MED13L: variants seen among roughly 807,000 people sequenced by gnomAD.
The protein encoded by MED13L is mediator of RNA polymerase II transcription subunit 13-like.
In MED13L, 7 loss-of-function variants were observed where a neutral mutation model predicts 220.9. The ratio of observed to expected loss-of-function variants is 0.03; its 90% CI spans 0.02 to 0.06. The LOEUF is 0.06. MED13L is among the 10% of genes least tolerant of loss of function. The pLI, the probability that MED13L is intolerant of heterozygous loss-of-function variation, is 1.00. For synonymous variants in MED13L, 1,011 were observed against 1,015.2 expected, an observed-to-expected ratio of 1.00 and a Z score of 0.08; for missense variants, 1,965 against 2,760.5, an observed-to-expected ratio of 0.71 and a Z score of 6.46.
intron 1 of MED13L, among the ~76,000 whole-genome samples, chr12:116,241,605 A>AG (rs761484259): frequency 8.3e-4 from 127 of 152,294 alleles, no homozygotes; most frequent in Admixed American, 1.3e-3. Context: ...CAGTACATCT[A>AG]TGCTCTCAGT....
At chr12:116,237,010 C>G (rs1870142713) in intron 2 of MED13L, 1 of 332,204 alleles carries the variant, frequency 3.0e-6, no homozygotes, top group African/African-American at 2.2e-5. Context: ...TGTAATCTCA[C>G]AATTTTGTCC....
At chr12:116,268,574 C>A (rs1476948465) in intron 1 of MED13L, among the ~76,000 whole-genome samples, 2 of 151,930 alleles carry the variant, frequency 1.3e-5, no homozygotes, top group Non-Finnish European at 2.9e-5. Flanking sequence ...TCATTTGAGG[C>A]CAGGAGTTTG....
intron 4 of MED13L, among the ~76,000 whole-genome samples, chr12:116,028,916 C>G (rs1196657179): frequency 1.3e-5 from 2 of 152,116 alleles, no homozygotes; most frequent in Non-Finnish European, 2.9e-5. Flanking sequence ...ATTACTTTCT[C>G]TCTGTGAAGG....
Position 115,991,781 on chromosome 12 carries a change from C to T in MED13L, c.3173G>A (p.Arg1058Lys). 3 of 1,613,828 alleles carry T rather than the reference C, an allele frequency of 1.9e-6. No individual in the cohort carries two copies. The highest frequency in any genetic ancestry group is 2.5e-6 in the Non-Finnish European group (3 of 1,179,948). Residue 1058 changes from arginine to lysine, a missense_variant, in exon 17 of 31, where the codon AGA becomes AAA. Transcript: ENST00000281928. The surrounding 1 kb of genome is among the most constrained non-coding windows in gnomAD (Gnocchi z 7.7). ...VPTPRTPRTP[R>K]TPRGGGTASG... is the part of the protein sequence containing the mutation. ...GGCAGTGCCCCCACCTCTGGGAGTTCTTGGGGTCCTGGGGGTTCGTGGTGT... is the reference window on the plus strand; with the variant it reads ...GGCAGTGCCCCCACCTCTGGGAGTTTTTGGGGTCCTGGGGGTTCGTGGTGT...
intron 2 of MED13L, among the ~76,000 whole-genome samples, chr12:116,166,304 G>A (rs1034819968): frequency 1.1e-4 from 17 of 152,170 alleles, no homozygotes; most frequent in Non-Finnish European, 1.5e-5. Flanking sequence ...TTGAGTCAGT[G>A]GGCTGGGGAA....
At chr12:115,978,798 AAT>A (rs1197640108) in intron 23 of MED13L, among the ~76,000 whole-genome samples, 1 of 152,248 alleles carries the variant, frequency 6.6e-6, no homozygotes, top group Non-Finnish European at 1.5e-5. Flanking sequence ...CACTAAATAA[AAT>A]ATGATTCCCA....
intron 1 of MED13L, among the ~76,000 whole-genome samples, chr12:116,269,007 T>G (rs1441628661): frequency 6.6e-6 from 1 of 152,224 alleles, no homozygotes; most frequent in East Asian, 1.9e-4. Flanking sequence ...TAGGTAAACA[T>G]GTGCCATGGT....
At chr12:116,064,328 A>C (rs1356307059) in intron 4 of MED13L, among the ~76,000 whole-genome samples, 1 of 152,240 alleles carries the variant, frequency 6.6e-6, no homozygotes, top group Non-Finnish European at 1.5e-5. Flanking sequence ...TAATTACAAG[A>C]AAAAAGTCTG....
chr12:116,002,741 T>C (rs1878824675), intron 14 of MED13L, among the ~76,000 whole-genome samples: 1 of 152,182 alleles, frequency 6.6e-6, no homozygotes, highest in South Asian at 2.1e-4. Flanking sequence ...ACCTAAAACA[T>C]GTTTTTCTAC....
Position 116,269,466 on chromosome 12 carries a change from C to CAA in MED13L, c.72+7592_72+7593dup, listed in dbSNP as rs34100053. Among the ~76,000 whole-genome samples, 492 of 68,886 alleles carry CAA rather than the reference C, an allele frequency of 7.1e-3. 6 individuals are homozygous for CAA. The highest frequency in any genetic ancestry group is 0.013 in the South Asian group (22 of 1,662). The allele number at this position is 68,886 out of a possible 152,430, so 45.2% of individuals were successfully genotyped here. ...GTTAAAGCCACAAATTTAAACTATGCAAAAAAAAAAAAAAAAAAAAAAGAC... is the reference window on the plus strand; with the variant it reads ...GTTAAAGCCACAAATTTAAACTATGCAAAAAAAAAAAAAAAAAAAAAAAAGAC... On this transcript the variant is annotated intron_variant, in intron 1 of 30. Transcript: ENST00000281928.
At chr12:115,979,824 C>T (rs917538728) in intron 23 of MED13L, among the ~76,000 whole-genome samples, 5 of 152,072 alleles carry the variant, frequency 3.3e-5, no homozygotes, top group African/African-American at 1.2e-4. Flanking sequence ...CTTTTTATAC[C>T]TATCTTCAAG....
In MED13L at chr12:116,015,277, GA is replaced by G; in HGVS notation, c.1010-4del. ...ACTCTGCATACCTCCACTCTCACCT[GA>G]AAAAAAAGGCAATTTGGAATGTTAG... On this transcript the variant is annotated splice_polypyrimidine_tract_variant and splice_region_variant and intron_variant, in intron 7 of 30. Transcript: ENST00000281928. The G allele has an allele frequency of 1.2e-6, 2 of 1,612,608 alleles. No individual in the cohort carries two copies. The highest frequency in any genetic ancestry group is 8.5e-7 in the Non-Finnish European group (1 of 1,179,154).
At position 115,983,170 on chromosome 12, in the gene MED13L, T is replaced by C; in HGVS notation, c.4902A>G (p.Gly1634=). The change falls in exon 21 of 31, where the codon GGA becomes GGG. Residue 1634 remains glycine, a synonymous_variant. Coordinates refer to ENST00000281928, the MANE Select transcript of MED13L (RefSeq NM_015335.5). ...AAGAGCTCTGCCCAGGGTCAGTGTC[T>C]CCACCACAGCCTATGTTCCCTTGCG... ...DRTQGNIGCG[G]DTDPGQSSSQ... 1 of 1,614,120 alleles carries C rather than the reference T, an allele frequency of 6.2e-7. No homozygotes were observed. Among genetic ancestry groups the C allele is most frequent in the Non-Finnish European group, 8.5e-7 (1 of 1,179,992 alleles).
chr12:116,150,765 C>T (rs549597886), intron 2 of MED13L, among the ~76,000 whole-genome samples: 7 of 152,250 alleles, frequency 4.6e-5, no homozygotes, highest in East Asian at 1.9e-4. Context: ...CCTAGAATTA[C>T]GGAAAGATAC....
chr12:116,057,677 A>G (rs1310570685), intron 4 of MED13L, among the ~76,000 whole-genome samples: 1 of 151,682 alleles, frequency 6.6e-6, no homozygotes, highest in Non-Finnish European at 1.5e-5. Flanking sequence ...ACATGGAGAT[A>G]GACAGCCCTA....
chr12:116,268,578 G>A (rs1873010115), intron 1 of MED13L, among the ~76,000 whole-genome samples: 1 of 151,096 alleles, frequency 6.6e-6, no homozygotes, highest in Non-Finnish European at 1.5e-5. Flanking sequence ...TTGAGGCCAG[G>A]AGTTTGAAAC....
chr12:116,100,169 G>A (rs756632749), intron 3 of MED13L, among the ~76,000 whole-genome samples: 25 of 152,112 alleles, frequency 1.6e-4, no homozygotes, highest in Non-Finnish European at 3.1e-4. Flanking sequence ...GGTTATAGGA[G>A]GAAATGAGAG....
intron 3 of MED13L, among the ~76,000 whole-genome samples, chr12:116,107,537 A>G (rs1873688167): frequency 6.6e-6 from 1 of 152,232 alleles, no homozygotes; most frequent in Admixed American, 6.5e-5. Flanking sequence ...AACTCACTTC[A>G]GTGACATTAT....
Position 115,991,010 on chromosome 12 carries a change from G to A in MED13L, c.3934+10C>T, listed in dbSNP as rs1458821719. On this transcript the variant is annotated intron_variant, in intron 17 of 30. Transcript: ENST00000281928. This position sits in a 1 kb window ranked among gnomAD's most constrained non-coding sequence, Gnocchi z 7.7. ...CTCCTCAAAGTAAATTTGTGTTCTGGGACACCTACCATTGCTGTGAGGCCA... is the reference window on the plus strand; with the variant it reads ...CTCCTCAAAGTAAATTTGTGTTCTGAGACACCTACCATTGCTGTGAGGCCA... The A allele has an allele frequency of 6.2e-7, 1 of 1,612,206 alleles. No individual in the cohort carries two copies. The highest frequency in any genetic ancestry group is 8.5e-7 in the Non-Finnish European group (1 of 1,179,234).
Sources: gnomAD v4.1 joint callset for allele counts (sites outside exome capture counted in the v4.1 genomes callset) on GRCh38, gnomAD v4.1.1 for gene constraint, Gnocchi (gnomAD v3.1) non-coding constraint, MANE v1.5 for transcripts, NCBI Gene and HGNC (gene_info 2026-07-23, HGNC 2026-07-21) for gene names.